Variants in NAV2 observed in about 807,000 individuals in gnomAD.
NAV2 encodes the protein helicase, APC down-regulated 1.
In NAV2, 54 loss-of-function variants were observed where a neutral mutation model predicts 223.2. That is an observed-to-expected ratio of 0.24 (90% CI 0.19 to 0.30). The LOEUF (loss-of-function observed/expected upper bound fraction) is 0.30, where lower values mean the gene tolerates loss of function less well. Ranked by LOEUF, NAV2 falls within the 10% of genes least tolerant of loss-of-function variation. NAV2 has a pLI of 1.00. For synonymous variants in NAV2, 1,279 were observed against 1,239.3 expected (o/e 1.03, Z -0.67); for missense variants, 2,806 against 3,147.5 (o/e 0.89, Z 2.60).
intron 1 of NAV2, among the ~76,000 whole-genome samples, chr11:19,483,492 G>A (rs796889193): frequency 1.1e-4 from 16 of 152,312 alleles, no homozygotes; most frequent in African/African-American, 3.6e-4. Context: ...TTGTGCCAAA[G>A]AGAAGGCTTG....
intron 6 of NAV2, among the ~76,000 whole-genome samples, chr11:19,901,631 C>A (rs2042453238): frequency 6.6e-6 from 1 of 152,126 alleles, no homozygotes; most frequent in Non-Finnish European, 1.5e-5. Context: ...GTAAGACACC[C>A]AGACAAATGC....
intron 1 of NAV2, among the ~76,000 whole-genome samples, chr11:19,716,350 T>A (rs148898871): frequency 1.6e-3 from 244 of 152,278 alleles, no homozygotes; most frequent in African/African-American, 5.7e-3. Flanking sequence ...TTCTTTGGGC[T>A]TTAGTGTTCT....
Position 19,921,727 on chromosome 11 carries a change from TG to T in NAV2, c.932-11446del, listed in dbSNP as rs139273559. Among the ~76,000 whole-genome samples, 829 of 152,354 alleles carry T rather than the reference TG, an allele frequency of 5.4e-3. 17 individuals carry two copies. The highest frequency in any genetic ancestry group is 0.048 in the East Asian group (250 of 5,182). The stretch of plus-strand genomic sequence containing the variant: ...TGCCTAGCTCTAATCTGTTCGATCT[TG>T]GGTAACTTACTTAACCCCTATGCCT... On this transcript the variant is annotated intron_variant, in intron 6 of 37. Transcript: ENST00000349880.
intron 11 of NAV2, among the ~76,000 whole-genome samples, chr11:20,029,283 G>GGGT (rs2055446081): frequency 6.6e-6 from 1 of 152,190 alleles, no homozygotes. Flanking sequence ...GAACCCTCAC[G>GGGT]GGTGGTAGTT....
At chr11:19,485,708 T>C (rs973254730) in intron 1 of NAV2, among the ~76,000 whole-genome samples, 1 of 149,390 alleles carries the variant, frequency 6.7e-6, no homozygotes, top group Non-Finnish European at 1.5e-5. Flanking sequence ...TGAGTTTTTA[T>C]ATGGGAGGAT....
intron 1 of NAV2, among the ~76,000 whole-genome samples, chr11:19,615,948 C>T (rs1215372598): frequency 2.0e-5 from 3 of 152,254 alleles, no homozygotes; most frequent in East Asian, 1.9e-4. Context: ...CTACCCCTAA[C>T]CCTGTAAGCA....
At chr11:19,679,217 C>A (rs6483611) in intron 1 of NAV2, among the ~76,000 whole-genome samples, 1 of 151,880 alleles carries the variant, frequency 6.6e-6, no homozygotes, top group Non-Finnish European at 1.5e-5. Context: ...GATCACCTGA[C>A]GTCAGGAGTT....
chr11:19,941,644 C>T (rs970143249), intron 8 of NAV2, among the ~76,000 whole-genome samples: 2 of 151,984 alleles, frequency 1.3e-5, no homozygotes, highest in Admixed American at 6.6e-5. Context: ...AGAAATGCAT[C>T]TTGCATGATA....
chr11:19,881,876 G>A (rs1014649410), intron 5 of NAV2, among the ~76,000 whole-genome samples: 19 of 152,178 alleles, frequency 1.2e-4, no homozygotes, highest in Admixed American at 8.5e-4. Context: ...TGTTGGAAGA[G>A]CATAAACAAG....
chr11:19,593,749 A>C (rs1026470053), intron 1 of NAV2, among the ~76,000 whole-genome samples: 2 of 9,054 alleles, frequency 2.2e-4, no homozygotes, highest in African/African-American at 2.4e-4. Context: ...AAAGGTATGT[A>C]GTGACACCTT....
Position 19,713,805 on chromosome 11 carries a change from G to A in NAV2, c.110G>A (p.Cys37Tyr). 1.2e-6 allele frequency: 2 copies of A among 1,613,002 alleles called. No individual in the cohort carries two copies. The highest frequency in any genetic ancestry group is 1.7e-6 in the Non-Finnish European group (2 of 1,179,766). ...CCGGCCCGGGCGGGCCCCCAGCCCT[G>A]CTACCTGAAGTTGGGAAGCAAGGTG... ...VPPARAGPQP[C>Y]YLKLGSKVEV... Residue 37 changes from cysteine (C) to tyrosine (Y), a missense_variant, in exon 1 of 38, where the codon TGC becomes TAC. Coordinates refer to ENST00000349880, the MANE Select transcript of NAV2 (RefSeq NM_145117.5). The surrounding 1 kb of genome is among the most constrained non-coding windows in gnomAD (Gnocchi z 7.2).
chr11:19,489,909 T>C (rs753995045), intron 1 of NAV2, among the ~76,000 whole-genome samples: 2 of 152,156 alleles, frequency 1.3e-5, no homozygotes, highest in Non-Finnish European at 2.9e-5. Flanking sequence ...GCTGGACACA[T>C]ATTCCCACCC....
In NAV2 at chr11:19,949,218, G is replaced by C. The variant is rs921266729; in HGVS notation, c.2645+138G>C. On this transcript the variant is annotated intron_variant, in intron 10 of 37. Transcript: ENST00000349880. ...GTTTCTGCTGTCCATATCAAAGGCT[G>C]TGTGACATGGAGGGAAACGCTGCTC... 8.1e-5 allele frequency: 78 copies of C among 966,518 alleles called. No homozygotes were observed. The Admixed American group carries it at 1.0e-3, about 13-fold the overall frequency. 59.9% of individuals were successfully genotyped at this position (966,518 alleles called of 1,614,324 possible).
At chr11:19,977,802 T>TC (rs1387388938) in intron 10 of NAV2, among the ~76,000 whole-genome samples, 12 of 141,494 alleles carry the variant, frequency 8.5e-5, no homozygotes, top group African/African-American at 2.6e-4. Context: ...TTTTTTCTTT[T>TC]TTTTTTTTTT....
At chr11:20,047,709 T>C (rs2057587742) in intron 14 of NAV2, among the ~76,000 whole-genome samples, 1 of 152,150 alleles carries the variant, frequency 6.6e-6, no homozygotes, top group Non-Finnish European at 1.5e-5. Flanking sequence ...GTAGTAAGGA[T>C]TGATTGATTG....
chr11:19,473,717 C>T (rs1336276393), intron 1 of NAV2, among the ~76,000 whole-genome samples: 1 of 152,118 alleles, frequency 6.6e-6, no homozygotes, highest in African/African-American at 2.4e-5. Flanking sequence ...CACCCAGGTC[C>T]CCTCTTAAGG....
intron 6 of NAV2, among the ~76,000 whole-genome samples, chr11:19,928,705 C>T (rs970501947): frequency 6.6e-6 from 1 of 152,142 alleles, no homozygotes; most frequent in Non-Finnish European, 1.5e-5. Context: ...CTGCAGGGGT[C>T]GTCTCAGAGA....
intron 1 of NAV2, among the ~76,000 whole-genome samples, chr11:19,558,050 A>G (rs185282962): frequency 9.2e-4 from 140 of 152,328 alleles, no homozygotes; most frequent in Admixed American, 3.1e-3. Context: ...TGGTGCTTAT[A>G]AACGTGGGCT....
rs576061291 is a variant in NAV2, at chr11:19,742,562, T to G, written c.267+28600T>G. 5.9e-5 allele frequency among the ~76,000 whole-genome samples: 9 copies of G among 152,256 alleles called. No homozygotes were observed. The East Asian group carries it at 1.7e-3, about 29-fold the overall frequency. Reference sequence around the variant, plus strand: ...GGCGCTCCAGGTAAGAGCTGGTGGCTGGCAGTTCATGCCTCCTTGTTCTGC... The same window carrying G: ...GGCGCTCCAGGTAAGAGCTGGTGGCGGGCAGTTCATGCCTCCTTGTTCTGC... On this transcript the variant is annotated intron_variant, in intron 1 of 37. Transcript: ENST00000349880.
Sources: gnomAD v4.1 joint callset for allele counts (sites outside exome capture counted in the v4.1 genomes callset) on GRCh38, gnomAD v4.1.1 for gene constraint, Gnocchi (gnomAD v3.1) non-coding constraint, MANE v1.5 for transcripts, NCBI Gene and HGNC (gene_info 2026-07-23, HGNC 2026-07-21) for gene names.